The following NAALADL2 variants were observed in gnomAD, a reference collection of about 807,000 sequenced individuals.
The protein encoded by NAALADL2 is N-acetylated alpha-linked acidic dipeptidase like 2.
In NAALADL2, 76 loss-of-function variants were observed where a neutral mutation model predicts 87.2. That is an observed-to-expected ratio of 0.87 (90% CI 0.72 to 1.05). The LOEUF is 1.05. Among genes scored for constraint, NAALADL2 ranks in the 50% least tolerant of loss-of-function variants. The pLI is 0.00. For missense variants in NAALADL2, 1,089 were observed against 945.8 expected (o/e 1.15, Z -1.99); for synonymous variants, 354 against 331.0 (o/e 1.07, Z -0.75).
intron 10 of NAALADL2, among the ~76,000 whole-genome samples, chr3:175,590,564 G>T (rs887373964): frequency 1.3e-5 from 2 of 152,038 alleles, no homozygotes; most frequent in African/African-American, 4.8e-5. Flanking sequence ...ATTTAGCAAG[G>T]TATGAATCTA....
At chr3:175,121,415 C>G (rs1246086120) in intron 2 of NAALADL2, among the ~76,000 whole-genome samples, 1 of 151,814 alleles carries the variant, frequency 6.6e-6, no homozygotes, top group Non-Finnish European at 1.5e-5. Context: ...ATGGGGCAAA[C>G]TAATGGATAG....
At chr3:175,233,718 A>G (rs947749463) in intron 2 of NAALADL2, among the ~76,000 whole-genome samples, 2 of 152,158 alleles carry the variant, frequency 1.3e-5, no homozygotes, top group African/African-American at 2.4e-5. Flanking sequence ...GATCACAGGC[A>G]TGAGCTACCA....
chr3:175,042,534 C>A (rs1369082184), intron 1 of NAALADL2, among the ~76,000 whole-genome samples: 3 of 152,022 alleles, frequency 2.0e-5, no homozygotes, highest in Non-Finnish European at 4.4e-5. Flanking sequence ...GTGCCTATAC[C>A]AATTTATATT....
At chr3:175,278,503 C>T (rs1192924742) in intron 4 of NAALADL2, among the ~76,000 whole-genome samples, 2 of 152,142 alleles carry the variant, frequency 1.3e-5, no homozygotes, top group African/African-American at 4.8e-5. Context: ...AAACACTCAC[C>T]ATAGTGATTT....
chr3:175,702,220 T>C (rs1582946935), intron 11 of NAALADL2, among the ~76,000 whole-genome samples: 2 of 152,148 alleles, frequency 1.3e-5, no homozygotes, highest in Non-Finnish European at 2.9e-5. Context: ...AGCCAAAGAT[T>C]TGTTGTTCTC....
chr3:174,552,974 T>G (rs990870741), intron 2 of NAALADL2, among the ~76,000 whole-genome samples: 11 of 152,122 alleles, frequency 7.2e-5, no homozygotes, highest in African/African-American at 2.7e-4. Flanking sequence ...CGTTATAAAC[T>G]TTAAGTCCAA....
intron 2 of NAALADL2, among the ~76,000 whole-genome samples, chr3:175,214,570 C>G (rs1182076557): frequency 6.6e-6 from 1 of 151,492 alleles, no homozygotes; most frequent in Non-Finnish European, 1.5e-5. Context: ...CTTTGTCTGA[C>G]CCCTGAAAAA....
rs569417199 is a variant in NAALADL2 at position 175,805,581 on chromosome 3, C to T, written c.*2378C>T. ...GGGTGCCTCCAAATGTATATCATTTCACTCCCCTCCCCTCCCCACCCCCAA... is the reference window on the plus strand; with the variant it reads ...GGGTGCCTCCAAATGTATATCATTTTACTCCCCTCCCCTCCCCACCCCCAA... On this transcript the variant is annotated 3_prime_UTR_variant, in exon 14 of 14. Coordinates refer to ENST00000454872, the MANE Select transcript of NAALADL2 (RefSeq NM_207015.3). The T allele has an allele frequency of 4.6e-4, 70 of 151,774 alleles. No homozygotes were observed. Among genetic ancestry groups the T allele is most frequent in the African/African-American group, 1.6e-3 (67 of 41,424 alleles). The allele number at this position is 151,774 out of a possible 1,614,324, so 9.4% of individuals were successfully genotyped here.
intron 3 of NAALADL2, among the ~76,000 whole-genome samples, chr3:174,849,208 C>T (rs1208212317): frequency 1.3e-5 from 2 of 152,094 alleles, no homozygotes; most frequent in African/African-American, 4.8e-5. Flanking sequence ...CTTAAGCCTA[C>T]ATTTATAAAA....
intron 5 of NAALADL2, among the ~76,000 whole-genome samples, chr3:175,342,233 G>A (rs1244061477): frequency 3.3e-5 from 5 of 151,992 alleles, no homozygotes; most frequent in Non-Finnish European, 5.9e-5. Context: ...TATATATGAA[G>A]TCTATACATG....
At chr3:175,221,828 T>C (rs2109355810) in intron 2 of NAALADL2, among the ~76,000 whole-genome samples, 1 of 151,906 alleles carries the variant, frequency 6.6e-6, no homozygotes, top group East Asian at 1.9e-4. Context: ...CAGGCTGGAG[T>C]GCGTGGCTCG....
intron 1 of NAALADL2, among the ~76,000 whole-genome samples, chr3:174,883,202 C>T (rs1003909074): frequency 2.6e-5 from 4 of 152,032 alleles, no homozygotes; most frequent in African/African-American, 9.7e-5. Flanking sequence ...GGGGGTCTGC[C>T]TTTCCCAGCC....
At chr3:175,560,726 A>G (rs1001977028) in intron 9 of NAALADL2, among the ~76,000 whole-genome samples, 1 of 152,124 alleles carries the variant, frequency 6.6e-6, no homozygotes. Flanking sequence ...GGTTCAAGTG[A>G]TTCTTCTGCC....
chr3:175,461,168 C>A (rs1011928376), intron 6 of NAALADL2, among the ~76,000 whole-genome samples: 1 of 151,872 alleles, frequency 6.6e-6, no homozygotes, highest in Non-Finnish European at 1.5e-5. Context: ...CTGATTGGTG[C>A]GTTTTTCCAG....
At chr3:175,606,399 G>A (rs200044247) in intron 10 of NAALADL2, among the ~76,000 whole-genome samples, 8 of 107,488 alleles carry the variant, frequency 7.4e-5, no homozygotes, top group East Asian at 6.7e-4. Flanking sequence ...TTTTTTTTTT[G>A]TATATGAAAA....
At chr3:174,682,084 C>T (rs1188476575) in intron 2 of NAALADL2, among the ~76,000 whole-genome samples, 1 of 152,062 alleles carries the variant, frequency 6.6e-6, no homozygotes, top group Non-Finnish European at 1.5e-5. Context: ...GCAGCACAGC[C>T]CACAGCTCTG....
At chr3:175,576,011 T>C (rs1268856580) in intron 9 of NAALADL2, 30 bp from the exon 10 acceptor site, 1 of 1,585,422 alleles carries the variant, frequency 6.3e-7, no homozygotes, top group South Asian at 1.1e-5. Flanking sequence ...AAGCATAGTA[T>C]GTGTTAACAA....
chr3:175,309,274 C>T (rs934874557), intron 4 of NAALADL2, among the ~76,000 whole-genome samples: 1 of 152,090 alleles, frequency 6.6e-6, no homozygotes, highest in African/African-American at 2.4e-5. Context: ...TAACCTCTAC[C>T]TCCCGGGTTC....
intron 13 of NAALADL2, among the ~76,000 whole-genome samples, chr3:175,781,655 CAAAA>C (rs777223385): frequency 1.7e-3 from 169 of 97,614 alleles, no homozygotes; most frequent in Non-Finnish European, 3.3e-3. Context: ...TCATTTTTAG[CAAAA>C]AAAAAAAAAA....
Sources: gnomAD v4.1 joint callset for allele counts (sites outside exome capture counted in the v4.1 genomes callset) on GRCh38, gnomAD v4.1.1 for gene constraint, MANE v1.5 for transcripts, NCBI Gene and HGNC (gene_info 2026-07-23, HGNC 2026-07-21) for gene names.